RIPK1: variants seen among roughly 807,000 people sequenced by gnomAD.
RIPK1 encodes the protein receptor interacting serine/threonine kinase 1, also known as receptor-interacting serine/threonine-protein kinase 1.
Under a neutral mutation model 62.4 loss-of-function variants are expected in RIPK1, and 27 were observed. The ratio of observed to expected loss-of-function variants is 0.43; its 90% CI spans 0.32 to 0.60. The LOEUF (loss-of-function observed/expected upper bound fraction) is 0.60. RIPK1 is among the 20% of genes least tolerant of loss of function. RIPK1 has a pLI of 0.07. For missense variants in RIPK1, 735 were observed against 831.0 expected (o/e 0.88, Z 1.42); for synonymous variants, 287 against 303.2 (o/e 0.95, Z 0.55).
chr6:3,078,236 G>A (rs1013361898), intron 3 of RIPK1, among the ~76,000 whole-genome samples: 1 of 152,124 alleles, frequency 6.6e-6, no homozygotes, highest in Non-Finnish European at 1.5e-5. Context: ...GGCTCCGTGG[G>A]TCACTTCTGT....
At chr6:3,084,184 C>T (rs1438498482) in intron 5 of RIPK1, among the ~76,000 whole-genome samples, 4 of 152,170 alleles carry the variant, frequency 2.6e-5, no homozygotes, top group African/African-American at 2.4e-5. Flanking sequence ...GCAGCAGGCT[C>T]CTTCCACCGT....
upstream of RIPK1, among the ~76,000 whole-genome samples, chr6:3,066,919 A>G (rs1758403236): frequency 6.6e-6 from 1 of 152,144 alleles, no homozygotes; most frequent in Admixed American, 6.6e-5. Flanking sequence ...AATCCCTGGC[A>G]GCCGCTGATC....
At chr6:3,101,388 G>C (rs1191847765) in intron 7 of RIPK1, among the ~76,000 whole-genome samples, 2 of 152,244 alleles carry the variant, frequency 1.3e-5, no homozygotes, top group Admixed American at 1.3e-4. Context: ...CCAGGAGTTG[G>C]AGGTTTCAGT....
chr6:3,111,882 CA>C (rs1761176438), intron 10 of RIPK1, among the ~76,000 whole-genome samples: 1 of 152,150 alleles, frequency 6.6e-6, no homozygotes, highest in African/African-American at 2.4e-5. Context: ...GGACTGCTGA[CA>C]ATCTATAAGA....
rs113602774 is a variant in RIPK1 at position 3,089,630 on chromosome 6, T to C, written c.888T>C (p.Ser296=). ...TTTATTTAAGTCAATTAGAAGAAAGTGTAGAAGAGGACGTGAAGAGTTTAA... is the reference window on the plus strand; with the variant it reads ...TTTATTTAAGTCAATTAGAAGAAAGCGTAGAAGAGGACGTGAAGAGTTTAA... The part of the protein sequence containing the change: ...RPFYLSQLEE[S]VEEDVKSLKK... The change falls in exon 7 of 11, where the codon AGT becomes AGC. Residue 296 remains serine (S), a synonymous_variant. Transcript: ENST00000259808. 85 of 1,587,568 alleles carry C rather than the reference T, an allele frequency of 5.4e-5. No individual in the cohort carries two copies. In the African/African-American group the frequency reaches 9.1e-4, roughly 17 times the overall value.
At chr6:3,075,157 C>A (rs1312827962) in intron 1 of RIPK1, among the ~76,000 whole-genome samples, 1 of 152,174 alleles carries the variant, frequency 6.6e-6, no homozygotes, top group Non-Finnish European at 1.5e-5. Flanking sequence ...GTGTTTGTAC[C>A]ATTTTATACT....
At chr6:3,066,421 G>T (rs539738378), upstream of RIPK1, among the ~76,000 whole-genome samples, 4 of 152,208 alleles carry the variant, frequency 2.6e-5, no homozygotes, top group Admixed American at 6.5e-5. Flanking sequence ...ATTCCTTTTT[G>T]TATTTCTTGT....
rs190104077 is a variant in RIPK1, at chr6:3,087,685, A to G, written c.839-1896A>G. 5.1e-3 allele frequency among the ~76,000 whole-genome samples: 768 copies of G among 151,330 alleles called. 2 individuals are homozygous for G. Among genetic ancestry groups the G allele is most frequent in the African/African-American group, 0.015 (609 of 41,182 alleles). On this transcript the variant is annotated intron_variant, in intron 6 of 10. Transcript: ENST00000259808. Reference sequence around the variant, plus strand: ...CTCCCGAGTAGCTGGGACTACAGACACCCGCCACCACACCTGGCTAATTTT... The same window carrying G: ...CTCCCGAGTAGCTGGGACTACAGACGCCCGCCACCACACCTGGCTAATTTT...
intron 7 of RIPK1, among the ~76,000 whole-genome samples, chr6:3,100,753 G>C (rs1760552177): frequency 1.3e-5 from 2 of 151,848 alleles, no homozygotes; most frequent in South Asian, 2.1e-4. Flanking sequence ...ACCACACCCA[G>C]CTAATTTTTT....
intron 3 of RIPK1, among the ~76,000 whole-genome samples, chr6:3,080,424 T>C (rs183665832): frequency 2.0e-5 from 3 of 152,250 alleles, no homozygotes; most frequent in African/African-American, 7.2e-5. Flanking sequence ...TAGATATTAA[T>C]TCACTTAAGC....
At chr6:3,065,069 C>T (rs1007447826), upstream of RIPK1, among the ~76,000 whole-genome samples, 1 of 151,516 alleles carries the variant, frequency 6.6e-6, no homozygotes, top group African/African-American at 2.4e-5. Context: ...TGTGAAACCC[C>T]GTCTCTACTA....
intron 1 of RIPK1, among the ~76,000 whole-genome samples, chr6:3,073,307 T>C (rs1304599950): frequency 1.3e-5 from 2 of 151,796 alleles, no homozygotes; most frequent in Non-Finnish European, 2.9e-5. Flanking sequence ...TATACATACA[T>C]GAACGTATAC....
In RIPK1 at chr6:3,103,978, C is replaced by A. The variant is rs77986365; in HGVS notation, c.916-247C>A. Among the ~76,000 whole-genome samples, 801 of 152,306 alleles carry A rather than the reference C, an allele frequency of 5.3e-3. 7 individuals carry two copies. Among genetic ancestry groups the A allele is most frequent in the African/African-American group, 0.019 (784 of 41,562 alleles). ...CATATGTGCCTGTCTTTATGCCAGT[C>A]CTACGCTGTTTTGAATACTGTAGCT... is the stretch of plus-strand genomic sequence containing the variant. On this transcript the variant is annotated intron_variant, in intron 7 of 10. Coordinates refer to ENST00000259808, the MANE Select transcript of RIPK1 (RefSeq NM_001354930.2).
chr6:3,101,887 T>C (rs1467186372), intron 7 of RIPK1, among the ~76,000 whole-genome samples: 1 of 152,162 alleles, frequency 6.6e-6, no homozygotes, highest in Non-Finnish European at 1.5e-5. Flanking sequence ...CCACTATCTA[T>C]ATCTAGAACT....
intron 4 of RIPK1, 81 bp from the exon 5 acceptor site, chr6:3,083,004 G>A: frequency 7.1e-7 from 1 of 1,418,240 alleles, no homozygotes; most frequent in South Asian, 1.2e-5. Flanking sequence ...ATGTATAATG[G>A]ATAAGCCCAA....
rs569008877 is a variant in RIPK1 at position 3,107,976 on chromosome 6, G to A, written c.1576+1925G>A. Among the ~76,000 whole-genome samples, 10 of 151,672 alleles carry A rather than the reference G, an allele frequency of 6.6e-5. No homozygotes were observed. The South Asian group carries it at 1.5e-3, about 22-fold the overall frequency. On this transcript the variant is annotated intron_variant, in intron 9 of 10. Transcript: ENST00000259808. Reference sequence around the variant, plus strand: ...AGGTACTAAGCTAGTAAATGAACACGCTGAGTTTCTCCTTGCAAATTTAAA... The same window carrying A: ...AGGTACTAAGCTAGTAAATGAACACACTGAGTTTCTCCTTGCAAATTTAAA...
intron 7 of RIPK1, among the ~76,000 whole-genome samples, chr6:3,095,280 C>T (rs1760229656): frequency 6.6e-6 from 1 of 152,018 alleles, no homozygotes; most frequent in Admixed American, 6.5e-5. Flanking sequence ...TTAGAATATT[C>T]CTGTAACTAT....
upstream of RIPK1, among the ~76,000 whole-genome samples, chr6:3,064,432 A>G (rs781605251): frequency 1.1e-4 from 16 of 152,212 alleles, no homozygotes; most frequent in Non-Finnish European, 1.8e-4. Flanking sequence ...TGTCTTTCAA[A>G]GTCACTAGTC....
upstream of RIPK1, chr6:3,068,414 G>A (rs1001289881): frequency 3.7e-5 from 36 of 985,390 alleles, no homozygotes; most frequent in Non-Finnish European, 4.1e-5. Flanking sequence ...CGGGCGCGAG[G>A]TCCCACGAGC....
Sources: gnomAD v4.1 joint callset for allele counts (sites outside exome capture counted in the v4.1 genomes callset) on GRCh38, gnomAD v4.1.1 for gene constraint, MANE v1.5 for transcripts, NCBI Gene and HGNC (gene_info 2026-07-23, HGNC 2026-07-21) for gene names.